Variants in FHIT observed in about 807,000 individuals in gnomAD.
FHIT encodes the protein fragile histidine triad diadenosine triphosphatase.
Under a neutral mutation model 17.9 loss-of-function variants are expected in FHIT, and 19 were observed. That is an observed-to-expected ratio of 1.06 (90% CI 0.74 to 1.56). The LOEUF (loss-of-function observed/expected upper bound fraction) is 1.56. Ranked by LOEUF, FHIT falls within the 40% of genes most tolerant of loss-of-function variation. The probability of loss-of-function intolerance (pLI) is 0.00; values close to 1 mark genes in which losing one functional copy is unlikely to be tolerated. For missense variants in FHIT, 248 were observed against 189.2 expected (o/e 1.31, Z -1.82); for synonymous variants, 81 against 69.7 (o/e 1.16, Z -0.81).
At chr3:59,912,691 G>GA (rs1021215099) in intron 8 of FHIT, among the ~76,000 whole-genome samples, 2 of 152,066 alleles carry the variant, frequency 1.3e-5, no homozygotes, top group African/African-American at 4.8e-5. Context: ...TTTTTAGAGG[G>GA]AAAATATATG....
At chr3:60,761,110 A>G (rs530865524) in intron 4 of FHIT, among the ~76,000 whole-genome samples, 5 of 152,290 alleles carry the variant, frequency 3.3e-5, no homozygotes, top group Admixed American at 2.6e-4. Context: ...ATGACCTTTG[A>G]CATTAAAATT....
intron 8 of FHIT, among the ~76,000 whole-genome samples, chr3:59,851,085 T>C (rs1479603116): frequency 6.6e-6 from 1 of 152,188 alleles, no homozygotes; most frequent in Non-Finnish European, 1.5e-5. Context: ...GATATTCTGA[T>C]CCAGGACTCA....
intron 5 of FHIT, among the ~76,000 whole-genome samples, chr3:60,489,758 C>G (rs553130097): frequency 1.3e-5 from 2 of 152,200 alleles, no homozygotes; most frequent in African/African-American, 2.4e-5. Flanking sequence ...TTAGGCTCAC[C>G]CTAATGTCTT....
chr3:59,886,606 A>G (rs1016073328), intron 8 of FHIT, among the ~76,000 whole-genome samples: 19 of 152,002 alleles, frequency 1.2e-4, no homozygotes, highest in Non-Finnish European at 2.5e-4. Flanking sequence ...GAGGCACCAC[A>G]CTCTTTTTAA....
intron 3 of FHIT, among the ~76,000 whole-genome samples, chr3:60,864,995 C>T (rs920076550): frequency 1.4e-4 from 21 of 151,840 alleles, no homozygotes; most frequent in Non-Finnish European, 2.4e-4. Flanking sequence ...GCTTCTGAAT[C>T]GCCTTAGTTC....
At chr3:60,098,727 ATTTTC>A (rs1331145615) in intron 5 of FHIT, among the ~76,000 whole-genome samples, 2 of 152,076 alleles carry the variant, frequency 1.3e-5, no homozygotes, top group African/African-American at 2.4e-5. Context: ...TCTTACTAAT[ATTTTC>A]TTTTCTCTAG....
intron 3 of FHIT, among the ~76,000 whole-genome samples, chr3:61,039,845 T>G (rs2033424545): frequency 6.6e-6 from 1 of 151,922 alleles, no homozygotes; most frequent in Admixed American, 6.6e-5. Context: ...GAACTTAAAG[T>G]ATAAAAAAAC....
chr3:60,476,032 T>C (rs1389983761), intron 5 of FHIT, among the ~76,000 whole-genome samples: 2 of 152,146 alleles, frequency 1.3e-5, no homozygotes, highest in Non-Finnish European at 2.9e-5. Context: ...GTCATCATCA[T>C]TACTGGTTTT....
intron 5 of FHIT, among the ~76,000 whole-genome samples, chr3:60,494,351 T>C (rs941925214): frequency 1.3e-5 from 2 of 152,208 alleles, no homozygotes; most frequent in Admixed American, 6.5e-5. Context: ...TGTAGGTACA[T>C]AGTTGTATAT....
chr3:60,072,545 T>C (rs1257579925), intron 5 of FHIT, among the ~76,000 whole-genome samples: 3 of 152,214 alleles, frequency 2.0e-5, no homozygotes, highest in Admixed American at 2.0e-4. Context: ...ACACATTCCA[T>C]ATATTAACTT....
intron 2 of FHIT, among the ~76,000 whole-genome samples, chr3:61,145,350 A>C (rs2037195572): frequency 6.6e-6 from 1 of 152,134 alleles, no homozygotes; most frequent in Non-Finnish European, 1.5e-5. Context: ...TTGACCATAA[A>C]TGCGAGGGTT....
intron 5 of FHIT, among the ~76,000 whole-genome samples, chr3:60,418,410 A>ATGTGTG (rs1702339723): frequency 1.1e-5 from 1 of 91,082 alleles, no homozygotes; most frequent in Non-Finnish European, 2.2e-5. Context: ...ATATATATAT[A>ATGTGTG]TATATATATA....
At chr3:60,120,401 A>T (rs7642167) in intron 5 of FHIT, among the ~76,000 whole-genome samples, 69,282 of 152,102 alleles carry the variant, frequency 0.46, 16,205 homozygotes, top group Non-Finnish European at 0.49. Context: ...ACTGAAATTC[A>T]TAGTCCCATG....
chr3:60,641,669 G>A (rs1391532072), intron 4 of FHIT, among the ~76,000 whole-genome samples: 1 of 152,044 alleles, frequency 6.6e-6, no homozygotes, highest in Non-Finnish European at 1.5e-5. Context: ...GTATAATCCT[G>A]GGAATTTCAC....
At chr3:60,943,462 A>G (rs934709073) in intron 3 of FHIT, among the ~76,000 whole-genome samples, 3 of 152,078 alleles carry the variant, frequency 2.0e-5, no homozygotes, top group African/African-American at 7.2e-5. Flanking sequence ...TATTATGTCA[A>G]TTTCATCTAT....
chr3:61,200,534 C>A (rs2038980467), intron 2 of FHIT, 83 bp downstream of exon 2: 1 of 152,562 alleles, frequency 6.6e-6, no homozygotes, highest in Non-Finnish European at 1.5e-5. Flanking sequence ...TATCTTTAGT[C>A]CAAGTGTTTA....
intron 5 of FHIT, among the ~76,000 whole-genome samples, chr3:60,326,726 G>C (rs2106831364): frequency 6.6e-6 from 1 of 152,292 alleles, no homozygotes; most frequent in East Asian, 1.9e-4. Context: ...TTTTCTGCCT[G>C]AGTCCAGAGC....
intron 5 of FHIT, among the ~76,000 whole-genome samples, chr3:60,103,341 G>A (rs563604035): frequency 2.6e-5 from 4 of 152,200 alleles, no homozygotes; most frequent in African/African-American, 9.6e-5. Context: ...AAAGAAAGGC[G>A]TACACATTTT....
intron 4 of FHIT, among the ~76,000 whole-genome samples, chr3:60,727,299 C>T (rs1553709821): frequency 6.6e-6 from 1 of 152,074 alleles, no homozygotes; most frequent in African/African-American, 2.4e-5. Flanking sequence ...AGTTAGGAAA[C>T]TAAAATTTAA....
Sources: gnomAD v4.1 joint callset for allele counts (sites outside exome capture counted in the v4.1 genomes callset) on GRCh38, gnomAD v4.1.1 for gene constraint, MANE v1.5 for transcripts, NCBI Gene and HGNC (gene_info 2026-07-23, HGNC 2026-07-21) for gene names.